DGKZ: variants seen among roughly 807,000 people sequenced by gnomAD.
The protein encoded by DGKZ is DAG kinase zeta.
A neutral mutation model predicts 142.5 loss-of-function variants in DGKZ; 45 were observed. That is an observed-to-expected ratio of 0.32 (90% confidence interval 0.25 to 0.40). The LOEUF (loss-of-function observed/expected upper bound fraction) is 0.40, where lower values mean the gene tolerates loss of function less well. Among genes scored for constraint, DGKZ ranks in the 10% least tolerant of loss-of-function variants. The probability of loss-of-function intolerance (pLI) is 1.00; values close to 1 mark genes in which losing one functional copy is unlikely to be tolerated. For synonymous variants in DGKZ, 442 were observed against 527.0 expected (o/e 0.84, Z 2.21); for missense variants, 755 against 1,306.5 (o/e 0.58, Z 6.51).
At chr11:46,350,748 A>G (rs1366522245) in intron 1 of DGKZ, among the ~76,000 whole-genome samples, 4 of 152,096 alleles carry the variant, frequency 2.6e-5, no homozygotes, top group Admixed American at 6.5e-5. Context: ...CAGTCTCTGA[A>G]TGGCAGCCCC....
In DGKZ at chr11:46,372,316, C is replaced by G; in HGVS notation, c.928-112C>G. 5.9e-6 allele frequency: 8 copies of G among 1,351,006 alleles called. No individual in the cohort carries two copies. Among genetic ancestry groups the G allele is most frequent in the Middle Eastern group, 3.7e-4 (2 of 5,440 alleles). 83.7% of individuals were successfully genotyped at this position (1,351,006 alleles called of 1,614,324 possible). A position where few individuals can be genotyped will look rare whatever the true frequency, so the allele number is the denominator to read the frequency against. On this transcript the variant is annotated intron_variant, in intron 10 of 30. Transcript: ENST00000527911. The surrounding 1 kb of genome is among the most constrained non-coding windows in gnomAD (Gnocchi z 5.9). ...TCCTGAGAAAATCCTGTCCTTTCTCCACCCCTCACCCCTTATTGGCCCTGG... is the reference window on the plus strand; with the variant it reads ...TCCTGAGAAAATCCTGTCCTTTCTCGACCCCTCACCCCTTATTGGCCCTGG...
chr11:46,334,196 C>T (rs942380816), intron 1 of DGKZ, among the ~76,000 whole-genome samples: 1 of 152,190 alleles, frequency 6.6e-6, no homozygotes, highest in Non-Finnish European at 1.5e-5. Context: ...GAGGACAGCC[C>T]TTCAGAACAA....
Position 46,367,155 on chromosome 11 carries a change from A to C in DGKZ, c.162-136A>C, listed in dbSNP as rs892051848. 3 of 1,239,726 alleles carry C rather than the reference A, an allele frequency of 2.4e-6. No homozygotes were observed. In the African/African-American group the frequency reaches 4.5e-5, roughly 19 times the overall value. The allele number at this position is 1,239,726 out of a possible 1,614,324, so 76.8% of individuals were successfully genotyped here. On this transcript the variant is annotated intron_variant, in intron 1 of 30. Transcript: ENST00000527911. This position sits in a 1 kb window ranked among gnomAD's most constrained non-coding sequence, Gnocchi z 4.1. ...CCATGTCTCTTGCAGGGAGCCTCTT[A>C]GTGTCTGGGGCTGCTGGGAGGCTCC... is the stretch of plus-strand genomic sequence containing the variant.
At chr11:46,369,875 G>C in intron 5 of DGKZ, 66 bp from the exon 6 acceptor site, 1 of 1,558,866 alleles carries the variant, frequency 6.4e-7, no homozygotes, top group Non-Finnish European at 8.8e-7. Flanking sequence ...GAGCCGTGTG[G>C]GCAGTCCTCA....
In DGKZ at chr11:46,376,217, G is replaced by A. The variant is rs941879218; in HGVS notation, c.2091+72G>A. 45 of 1,605,436 alleles carry A rather than the reference G, an allele frequency of 2.8e-5. No individual in the cohort carries two copies. The African/African-American group carries it at 5.0e-4, about 18-fold the overall frequency. ...AAGTGAGGCCAGGCCTCTTCCTCCC[G>A]CAGCCAGCTCGCCCTGCGGAGCCTC... On this transcript the variant is annotated intron_variant, in intron 22 of 30. Coordinates refer to ENST00000527911, the Ensembl canonical transcript of DGKZ.
chr11:46,378,391 T>A, intron 26 of DGKZ, 66 bp from the exon 27 acceptor site: 1 of 1,556,894 alleles, frequency 6.4e-7, no homozygotes, highest in Non-Finnish European at 8.7e-7. Flanking sequence ...CACAGTCCTG[T>A]CCACTGAGGC....
intron 5 of DGKZ, 71 bp from the exon 6 acceptor site, chr11:46,369,870 G>T (rs996885788): frequency 6.5e-7 from 1 of 1,536,782 alleles, no homozygotes; most frequent in East Asian, 2.3e-5. Context: ...GTGTTGAGCC[G>T]TGTGGGCAGT....
chr11:46,360,935 C>A (rs1412599795), intron 1 of DGKZ, among the ~76,000 whole-genome samples: 1 of 152,156 alleles, frequency 6.6e-6, no homozygotes, highest in African/African-American at 2.4e-5. Context: ...GTCTTCTGGG[C>A]GTTCCTTAGC....
In DGKZ at chr11:46,369,570, A is replaced by C. The variant is rs1943711545; in HGVS notation, c.501+20A>C. 1 of 1,611,926 alleles carries C rather than the reference A, an allele frequency of 6.2e-7. No individual in the cohort carries two copies. Among genetic ancestry groups the C allele is most frequent in the African/African-American group, 1.3e-5 (1 of 74,876 alleles). ...CGCGAGGTAAGTGCCCAGGGTGGTC[A>C]GGGATGGGGCCACCCTAAGATTCCT... On this transcript the variant is annotated intron_variant, in intron 5 of 30. Transcript: ENST00000527911.
At chr11:46,363,258 C>T (rs1214667218) in intron 1 of DGKZ, among the ~76,000 whole-genome samples, 1 of 152,154 alleles carries the variant, frequency 6.6e-6, no homozygotes, top group Non-Finnish European at 1.5e-5. Context: ...TCTATGGAGA[C>T]CAGAGGAACA....
chr11:46,335,445 A>G (rs1387823908), intron 1 of DGKZ, among the ~76,000 whole-genome samples: 1 of 152,152 alleles, frequency 6.6e-6, no homozygotes, highest in Non-Finnish European at 1.5e-5. Flanking sequence ...ACACACACAC[A>G]CACACACACG....
chr11:46,345,422 G>C (rs1940516736), upstream of DGKZ: 2 of 1,447,186 alleles, frequency 1.4e-6, no homozygotes, highest in Non-Finnish European at 1.8e-6. The surrounding 1 kb of genome is among the most constrained non-coding windows in gnomAD (Gnocchi z 4.1). Context: ...GAGCGCACCG[G>C]GGGCTGGCCA....
chr11:46,379,265 G>A (rs1944935679), intron 29 of DGKZ, 29 bp downstream of exon 29: 2 of 1,612,874 alleles, frequency 1.2e-6, no homozygotes, highest in Non-Finnish European at 1.7e-6. Flanking sequence ...CAGAACCGTG[G>A]TCACCCCGGA....
At position 46,348,024 on chromosome 11, in the gene DGKZ, G is replaced by C. The variant is rs552423462; in HGVS notation, c.161+204G>C. ...CCAGGGCCGGGACACGGGCGGGATCGGTCGGCTTGGCACTGTCACCGGGTG... is the reference window on the plus strand; with the variant it reads ...CCAGGGCCGGGACACGGGCGGGATCCGTCGGCTTGGCACTGTCACCGGGTG... On this transcript the variant is annotated intron_variant, in intron 1 of 30. Coordinates refer to ENST00000527911, the Ensembl canonical transcript of DGKZ. Among the ~76,000 whole-genome samples, 99 of 152,270 alleles carry C rather than the reference G, an allele frequency of 6.5e-4. 1 individual carries two copies. The highest frequency in any genetic ancestry group is 5.2e-3 in the Admixed American group (79 of 15,302).
At chr11:46,340,545 G>A (rs908609904) in intron 1 of DGKZ, among the ~76,000 whole-genome samples, 12 of 152,232 alleles carry the variant, frequency 7.9e-5, no homozygotes, top group South Asian at 2.1e-4. Context: ...CTGCTGGGCC[G>A]CCAGTGCTGT....
At chr11:46,350,162 A>G (rs571777313) in intron 1 of DGKZ, among the ~76,000 whole-genome samples, 1 of 152,336 alleles carries the variant, frequency 6.6e-6, no homozygotes, top group African/African-American at 2.4e-5. Context: ...CAGAGAACCC[A>G]GTAGTATCAG....
intron 1 of DGKZ, among the ~76,000 whole-genome samples, chr11:46,359,147 A>C (rs147935565): frequency 6.7e-6 from 1 of 149,094 alleles, no homozygotes; most frequent in Non-Finnish European, 1.5e-5. Flanking sequence ...CTCAAAAAAA[A>C]AATAATAAAA....
At chr11:46,349,581 T>C (rs1433306976) in intron 1 of DGKZ, among the ~76,000 whole-genome samples, 1 of 152,138 alleles carries the variant, frequency 6.6e-6, no homozygotes, top group Non-Finnish European at 1.5e-5. Context: ...CAATTTTTTG[T>C]AGAGATGAGA....
At chr11:46,363,535 C>T (rs903881513) in intron 1 of DGKZ, among the ~76,000 whole-genome samples, 7 of 152,188 alleles carry the variant, frequency 4.6e-5, no homozygotes, top group Admixed American at 3.9e-4. Context: ...TGTGTGGAGC[C>T]GGGCACCACA....
Sources: allele counts gnomAD v4.1 joint callset (sites outside exome capture counted in the v4.1 genomes callset), GRCh38; gene constraint gnomAD v4.1.1; non-coding constraint Gnocchi (gnomAD v3.1); transcripts MANE v1.5; gene names NCBI Gene and HGNC (gene_info 2026-07-23, HGNC 2026-07-21).